ZNF735: variants seen among roughly 807,000 people sequenced by gnomAD.
The protein encoded by ZNF735 is putative zinc finger protein 735.
Under a neutral mutation model 13.4 loss-of-function variants are expected in ZNF735, and 11 were observed. The observed-to-expected ratio is 0.82, with a 90% CI of 0.52 to 1.36. The LOEUF is 1.36. ZNF735 is among the 40% of genes most tolerant of loss of function. ZNF735 has a pLI of 0.00. For missense variants in ZNF735, 500 were observed against 484.6 expected (o/e 1.03, Z -0.30); for synonymous variants, 171 against 162.6 (o/e 1.05, Z -0.39).
At chr7:64,208,956 T>C (rs1265348554) in intron 1 of ZNF735, among the ~76,000 whole-genome samples, 1 of 152,224 alleles carries the variant, frequency 6.6e-6, no homozygotes, top group Non-Finnish European at 1.5e-5. Context: ...ATTTTCTTTA[T>C]CCAGTCTACC....
At chr7:64,207,636 A>G (rs540236434) in intron 1 of ZNF735, among the ~76,000 whole-genome samples, 42 of 152,182 alleles carry the variant, frequency 2.8e-4, no homozygotes, top group Non-Finnish European at 4.0e-4. Context: ...TTTTCCTTTT[A>G]GAGATGTGTG....
At chr7:64,213,284 G>A (rs1238744809) in intron 2 of ZNF735, 66 bp downstream of exon 2, 19 of 1,481,416 alleles carry the variant, frequency 1.3e-5, no homozygotes, top group Non-Finnish European at 1.6e-5. Context: ...GATGATTTTG[G>A]TAATTTCTGC....
exon 4 of ZNF735, chr7:64,219,492 A>G (rs543722611): frequency 1.2e-6 from 2 of 1,612,536 alleles, no homozygotes; most frequent in South Asian, 2.2e-5. Flanking sequence ...ACCTTAACCA[A>G]TGTTTGTCAA....
chr7:64,209,455 C>T (rs555115521), intron 1 of ZNF735, among the ~76,000 whole-genome samples: 1 of 151,114 alleles, frequency 6.6e-6, no homozygotes, highest in African/African-American at 2.4e-5. Context: ...TCAAGCGATT[C>T]TCCTGGGATT....
chr7:64,213,596 TAATTTTCTAG>T (rs1315275192), intron 2 of ZNF735, among the ~76,000 whole-genome samples: 3 of 152,312 alleles, frequency 2.0e-5, no homozygotes, highest in South Asian at 2.1e-4. Context: ...CAAATAATAT[TAATTTTCTAG>T]AATTTTCTAT....
chr7:64,213,871 A>AT (rs1250001123), intron 2 of ZNF735, 142 bp from the exon 3 acceptor site: 2 of 681,344 alleles, frequency 2.9e-6, no homozygotes, highest in Admixed American at 7.0e-5. Context: ...AGGCAGAAGC[A>AT]TTGCTTGCAC....
chr7:64,207,339 C>A (rs1469291274), intron 1 of ZNF735, 98 bp downstream of exon 1: 4 of 1,609,908 alleles, frequency 2.5e-6, no homozygotes, highest in African/African-American at 1.3e-5. Flanking sequence ...GCAGTCAGCT[C>A]CGGAGTCTGA....
chr7:64,211,421 A>G (rs1281013716), intron 1 of ZNF735, among the ~76,000 whole-genome samples: 1 of 152,204 alleles, frequency 6.6e-6, no homozygotes, highest in Non-Finnish European at 1.5e-5. Context: ...ACAGAATGGC[A>G]TGTATTACCC....
chr7:64,212,946 A>G, intron 1 of ZNF735, 146 bp from the exon 2 acceptor site: 1 of 833,110 alleles, frequency 1.2e-6, no homozygotes, highest in Non-Finnish European at 1.9e-6. Context: ...CCATGTTAAA[A>G]ATTATCTTAC....
rs368134075 is a variant in ZNF735 at position 64,217,630 on chromosome 7, A to G, written c.263-1684A>G. Among the ~76,000 whole-genome samples the G allele has an allele frequency of 9.9e-4, 150 of 152,214 alleles. 2 individuals are homozygous for G. In the South Asian group the frequency reaches 0.027, roughly 27 times the overall value. ...ATGTTATATATGCATATGCATATAG[A>G]TAGACATAATAGTTACAGATTCCTA... is the stretch of plus-strand genomic sequence containing the variant. On this transcript the variant is annotated intron_variant, in intron 3 of 3. Coordinates refer to ENST00000429565, the Ensembl canonical transcript of ZNF735.
chr7:64,213,985 A>T, intron 2 of ZNF735, 28 bp from the exon 3 acceptor site: 1 of 1,550,948 alleles, frequency 6.4e-7, no homozygotes, highest in Non-Finnish European at 8.7e-7. Flanking sequence ...AATAAGATTT[A>T]AGTTACTTTT....
intron 1 of ZNF735, among the ~76,000 whole-genome samples, chr7:64,211,111 A>G (rs1282948220): frequency 2.0e-5 from 3 of 152,182 alleles, no homozygotes; most frequent in Non-Finnish European, 4.4e-5. Context: ...GATTTGTATG[A>G]TAGTCAAGGG....
chr7:64,211,492 C>T (rs971584427), intron 1 of ZNF735, among the ~76,000 whole-genome samples: 5 of 152,098 alleles, frequency 3.3e-5, no homozygotes, highest in Admixed American at 1.3e-4. Context: ...ACAAAGACTA[C>T]TTAAAATTAC....
intron 3 of ZNF735, among the ~76,000 whole-genome samples, chr7:64,216,742 A>C (rs532646180): frequency 7.9e-5 from 12 of 151,974 alleles, no homozygotes; most frequent in Admixed American, 5.2e-4. Context: ...AGTGGCTTGC[A>C]CTACAGACCT....
At chr7:64,213,991 C>CT (rs753114062) in intron 2 of ZNF735, 22 bp from the exon 3 acceptor site, 22 of 1,563,132 alleles carry the variant, frequency 1.4e-5, no homozygotes, top group African/African-American at 6.8e-5. Flanking sequence ...ATTTAAGTTA[C>CT]TTTTTTTTCT....
chr7:64,209,505 G>T (rs147996545), intron 1 of ZNF735, among the ~76,000 whole-genome samples: 5,912 of 151,856 alleles, frequency 0.039, 182 homozygotes, highest in East Asian at 0.16. Context: ...TTTTGTATTT[G>T]TAGTAGAGAC....
At chr7:64,214,250 T>C in intron 3 of ZNF735, 142 bp downstream of exon 3, 1 of 930,918 alleles carries the variant, frequency 1.1e-6, no homozygotes. Context: ...TATTTTTTAT[T>C]TTTTTTATTT....
At chr7:64,215,329 AT>A (rs1329551694) in intron 3 of ZNF735, among the ~76,000 whole-genome samples, 4 of 152,164 alleles carry the variant, frequency 2.6e-5, no homozygotes, top group African/African-American at 4.8e-5. Context: ...AAGTTCTGGG[AT>A]TACATGAGTG....
intron 1 of ZNF735, among the ~76,000 whole-genome samples, chr7:64,211,868 A>AAAAAAATT (rs1185633331): frequency 1.7e-5 from 2 of 117,310 alleles, no homozygotes; most frequent in African/African-American, 6.5e-5. Context: ...TCCATCTCAA[A>AAAAAAATT]AAAAAAAGAA....
Sources: allele counts gnomAD v4.1 joint callset (sites outside exome capture counted in the v4.1 genomes callset), GRCh38; gene constraint gnomAD v4.1.1; transcripts MANE v1.5; gene names NCBI Gene and HGNC (gene_info 2026-07-23, HGNC 2026-07-21).